The following CRB1 variants were observed in gnomAD, a reference collection of about 807,000 sequenced individuals.
CRB1 encodes crumbs cell polarity complex component 1.
In CRB1, 83 loss-of-function variants were observed where a neutral mutation model predicts 120.0. The observed-to-expected ratio is 0.69, with a 90% CI of 0.58 to 0.83. CRB1 has a LOEUF of 0.83. Ranked by LOEUF, CRB1 falls within the 40% of genes least tolerant of loss-of-function variation. The pLI, the probability that CRB1 is intolerant of heterozygous loss-of-function variation, is 0.00. For synonymous variants in CRB1, 625 were observed against 612.5 expected (o/e 1.02, Z -0.30); for missense variants, 1,699 against 1,687.6 (o/e 1.01, Z -0.12).
intron 1 of CRB1, among the ~76,000 whole-genome samples, chr1:197,269,988 G>A (rs1329348686): frequency 6.6e-6 from 1 of 152,026 alleles, no homozygotes; most frequent in African/African-American, 2.4e-5. Context: ...TTTTAAGCAG[G>A]TAGACTTTTG....
At chr1:197,425,730 C>G (rs565890704) in intron 6 of CRB1, among the ~76,000 whole-genome samples, 1 of 152,280 alleles carries the variant, frequency 6.6e-6, no homozygotes, top group South Asian at 2.1e-4. Flanking sequence ...CTCCTCTTAT[C>G]TTACTGGCTA....
chr1:197,376,102 AT>A (rs1046320429), intron 5 of CRB1, among the ~76,000 whole-genome samples: 2 of 152,160 alleles, frequency 1.3e-5, no homozygotes, highest in Non-Finnish European at 1.5e-5. Context: ...CTTGTTCACT[AT>A]CATTCTATTG....
In CRB1 at chr1:197,427,992, C is replaced by T. The variant is rs947183997; in HGVS notation, c.2667C>T (p.Asn889=). The change falls in exon 7 of 12, where the codon AAC becomes AAT. Residue 889 remains asparagine (N), a synonymous_variant. Coordinates refer to ENST00000367400, the MANE Select transcript of CRB1 (RefSeq NM_201253.3). ...VNVTQGCAGD[N]SCKSNPCHNG... Reference sequence around the variant, plus strand: ...TAACCCAAGGCTGTGCTGGAGACAACAGCTGCAAGGTAATGATTACTCATA... The same window carrying T: ...TAACCCAAGGCTGTGCTGGAGACAATAGCTGCAAGGTAATGATTACTCATA... 3 of 1,613,524 alleles carry T rather than the reference C, an allele frequency of 1.9e-6. No individual in the cohort carries two copies. The highest frequency in any genetic ancestry group is 2.5e-6 in the Non-Finnish European group (3 of 1,179,766).
chr1:197,421,512 A>G lies in CRB1; in HGVS notation c.1684A>G (p.Thr562Ala). 1 of 1,614,188 alleles carries G rather than the reference A, an allele frequency of 6.2e-7. No homozygotes were observed. The highest frequency in any genetic ancestry group is 1.1e-5 in the South Asian group (1 of 91,080). ...GGTGCTTCTGTTCATTTCCCACAAC[A>G]CCAGCGATGGAGAGTGGCATTTCGT... The part of the protein sequence containing the change: ...SKVLLFISHN[T>A]SDGEWHFVEV... The change falls in exon 6 of 12, where the codon ACC (threonine) becomes GCC (alanine). Residue 562 changes from threonine to alanine, a missense_variant. Transcript: ENST00000367400.
chr1:197,453,875 TAA>T (rs1666127257), intron 11 of CRB1, among the ~76,000 whole-genome samples: 1 of 141,780 alleles, frequency 7.1e-6, no homozygotes, highest in African/African-American at 2.6e-5. Flanking sequence ...ATATTATTAA[TAA>T]TATATATTAT....
chr1:197,353,814 T>TAAAAAAAAAAAAAAAAA (rs57274486), intron 4 of CRB1, among the ~76,000 whole-genome samples: 2 of 89,424 alleles, frequency 2.2e-5, no homozygotes, highest in East Asian at 3.0e-4. Flanking sequence ...AATATATAAA[T>TAAAAAAAAAAAAAAAAA]AAAAAAAAAA....
rs184152653 is a variant in CRB1 at position 197,365,227 on chromosome 1, G to A, written c.1171+8214G>A. 9.8e-4 allele frequency among the ~76,000 whole-genome samples: 149 copies of A among 152,280 alleles called. 1 individual carries two copies. Among genetic ancestry groups the A allele is most frequent in the Non-Finnish European group, 8.1e-4 (55 of 68,024 alleles). ...AGGTGAGAATGTTCCATGTCCTTCT[G>A]AGAAATGGGAGTCTTTGATTTATGG... On this transcript the variant is annotated intron_variant, in intron 5 of 11. Coordinates refer to ENST00000367400, the MANE Select transcript of CRB1 (RefSeq NM_201253.3).
rs1179276987 is a variant in CRB1, at chr1:197,434,864, A to G, written c.3001A>G (p.Ile1001Val). The change falls in exon 9 of 12, where the codon ATT becomes GTT. Residue 1001 changes from isoleucine (I) to valine (V), a missense_variant. Transcript: ENST00000367400. ...AGAAAAAGAGCCTGAATTTCTTAAT[A>G]TTAGCATTCAAGATTCCAGATTATT... ...HAEKEPEFLN[I>V]SIQDSRLFFQ... The G allele has an allele frequency of 2.5e-6, 4 of 1,613,866 alleles. No individual in the cohort carries two copies. Among genetic ancestry groups the G allele is most frequent in the Middle Eastern group, 1.7e-4 (1 of 6,060 alleles).
the CRB1 span, among the ~76,000 whole-genome samples, chr1:197,207,924 TTTTC>T: frequency 6.3e-3 from 953 of 152,134 alleles, 13 homozygotes; most frequent in African/African-American, 0.022. Flanking sequence ...TTAAATTATT[TTTTC>T]TTTGTTTTGG....
At chr1:197,290,157 C>A (rs931673772) in intron 1 of CRB1, among the ~76,000 whole-genome samples, 1 of 151,238 alleles carries the variant, frequency 6.6e-6, no homozygotes, top group Non-Finnish European at 1.5e-5. Flanking sequence ...CTATGAGTAC[C>A]TTTTGGAACT....
intron 8 of CRB1, among the ~76,000 whole-genome samples, chr1:197,430,042 C>T (rs9787082): frequency 0.39 from 58,850 of 152,010 alleles, 14,002 homozygotes; most frequent in East Asian, 0.66. Flanking sequence ...TCTACTTCTT[C>T]GGTTTCTTTG....
chr1:197,475,439 A>G (rs1667157692), intron 11 of CRB1, among the ~76,000 whole-genome samples: 1 of 152,158 alleles, frequency 6.6e-6, no homozygotes, highest in South Asian at 2.1e-4. Flanking sequence ...TTACCTCAGA[A>G]ATCCCTGTCA....
At chr1:197,432,357 AACACAC>A (rs35921087) in intron 8 of CRB1, among the ~76,000 whole-genome samples, 36,037 of 139,632 alleles carry the variant, frequency 0.26, 5,497 homozygotes, top group East Asian at 0.59. Flanking sequence ...ACCTGGTTGA[AACACAC>A]ACACACACAC....
chr1:197,311,715 G>A (rs1425641353), intron 1 of CRB1, among the ~76,000 whole-genome samples: 1 of 150,592 alleles, frequency 6.6e-6, no homozygotes, highest in Non-Finnish European at 1.5e-5. Context: ...GTGTGTGTGT[G>A]TGTGTGTGTG....
Position 197,420,347 on chromosome 1 carries a change from A to T in CRB1, c.1172-653A>T, listed in dbSNP as rs117126843. 7.1e-4 allele frequency among the ~76,000 whole-genome samples: 108 copies of T among 152,262 alleles called. No homozygotes were observed. The East Asian group carries it at 0.02, about 28-fold the overall frequency. ...TAGATATATTTTTTGACTTGGAATC[A>T]GAAAAAAAAAGTAGAAAGTGAAGTT... On this transcript the variant is annotated intron_variant, in intron 5 of 11. Coordinates refer to ENST00000367400, the MANE Select transcript of CRB1 (RefSeq NM_201253.3).
chr1:197,361,517 G>A (rs1031229116), intron 5 of CRB1, among the ~76,000 whole-genome samples: 1 of 151,734 alleles, frequency 6.6e-6, no homozygotes, highest in African/African-American at 2.4e-5. Flanking sequence ...TTTTGCTGTC[G>A]TTGGATGGAG....
At chr1:197,229,237 G>A in the CRB1 span, among the ~76,000 whole-genome samples, 2 of 152,178 alleles carry the variant, frequency 1.3e-5, no homozygotes, top group Admixed American at 6.5e-5. Flanking sequence ...ACAGAGACAG[G>A]CACTGTGGTG....
chr1:197,251,659 A>G, the CRB1 span, among the ~76,000 whole-genome samples: 1 of 151,928 alleles, frequency 6.6e-6, no homozygotes, highest in African/African-American at 2.4e-5. Context: ...TTAATCTTTT[A>G]TTTATGACAC....
chr1:197,432,550 G>A (rs1041231598), intron 8 of CRB1, among the ~76,000 whole-genome samples: 2 of 152,028 alleles, frequency 1.3e-5, no homozygotes, highest in African/African-American at 4.8e-5. Flanking sequence ...TTTTCATAGA[G>A]TATTCATTTA....
Sources: gnomAD v4.1 joint callset for allele counts (sites outside exome capture counted in the v4.1 genomes callset) on GRCh38, gnomAD v4.1.1 for gene constraint, MANE v1.5 for transcripts, NCBI Gene and HGNC (gene_info 2026-07-23, HGNC 2026-07-21) for gene names.